The following CES5A variants were observed in gnomAD, a reference collection of about 807,000 sequenced individuals.
CES5A encodes the protein carboxylesterase 5.
CES5A carries 67 observed loss-of-function variants against 62.9 expected under a neutral mutation model. That is an observed-to-expected ratio of 1.07 (90% CI 0.88 to 1.31). CES5A has a LOEUF of 1.31. Ranked by LOEUF, CES5A falls within the 50% of genes most tolerant of loss-of-function variation. The pLI is 0.00. For synonymous variants in CES5A, 296 were observed against 280.8 expected, an observed-to-expected ratio of 1.05 and a Z score of -0.54; for missense variants, 748 against 708.5, an observed-to-expected ratio of 1.06 and a Z score of -0.63.
In CES5A at chr16:55,955,925, C is replaced by A. The variant is rs1399265743; in HGVS notation, c.-40G>T. 2.0e-5 allele frequency: 31 copies of A among 1,535,310 alleles called. No individual in the cohort carries two copies. The African/African-American group carries it at 4.1e-4, about 20-fold the overall frequency. Reference sequence around the variant, plus strand: ...GTCCTAACACAAAACCTCAGCATCCCAGCTGGCCTTGACACAGAGCCCCAG... The same window carrying A: ...GTCCTAACACAAAACCTCAGCATCCAAGCTGGCCTTGACACAGAGCCCCAG... On this transcript the variant is annotated 5_prime_UTR_variant, in exon 1 of 14. Transcript: ENST00000521992.
In CES5A at chr16:55,869,610, C is replaced by T. The variant is rs144674577; in HGVS notation, c.551+1G>A. 8.3e-5 allele frequency: 134 copies of T among 1,613,410 alleles called. No homozygotes were observed. Among genetic ancestry groups the T allele is most frequent in the Admixed American group, 2.3e-4 (14 of 59,956 alleles). On this transcript the variant is annotated splice_donor_variant, in intron 4 of 12. Transcript: ENST00000290567. LOFTEE classifies it high-confidence loss of function. ...GATGTCCATCATTTGGAGAGACTCA[C>T]GTGAAGAAACCAAATATTCCTAGCC...
Position 55,875,183 on chromosome 16 carries a change from A to C in CES5A, c.39T>G (p.Ile13Met), listed in dbSNP as rs201145733. 513 of 1,614,006 alleles carry C rather than the reference A, an allele frequency of 3.2e-4. 10 individuals are homozygous for C. The Admixed American group carries it at 8.4e-3, about 26-fold the overall frequency. The part of the protein sequence containing the change: ...GNWVHPGQIL[I>M]WAIWVLAAPT... Reference sequence around the variant, plus strand: ...GGGCTGCAAGGACCCAGATAGCCCAAATTAGGATCTGGCCTGGGTGCACCC... The same window carrying C: ...GGGCTGCAAGGACCCAGATAGCCCACATTAGGATCTGGCCTGGGTGCACCC... Residue 13 changes from isoleucine to methionine, a missense_variant, in exon 1 of 13, where the codon ATT becomes ATG. Transcript: ENST00000290567.
At chr16:55,910,097 A>G (rs8045055) in intron 1 of CES5A, among the ~76,000 whole-genome samples, 69,088 of 151,904 alleles carry the variant, frequency 0.45, 16,265 homozygotes, top group Non-Finnish European at 0.51. Context: ...GTGAGAAGGG[A>G]CACCTGCCAT....
At chr16:55,935,167 T>C (rs2034359560) in intron 2 of CES5A, among the ~76,000 whole-genome samples, 1 of 152,196 alleles carries the variant, frequency 6.6e-6, no homozygotes, top group South Asian at 2.1e-4. Context: ...GCTGTTGAAC[T>C]CCCAACCTTA....
Position 55,873,748 on chromosome 16 carries a change from C to T in CES5A, c.278+85G>A, listed in dbSNP as rs2033641460. ...CCTCCTCCCCCATCCATGCCAATCC[C>T]TCTTCTTTCACACTGGGCTGCATGA... On this transcript the variant is annotated intron_variant, in intron 2 of 12. Coordinates refer to ENST00000290567, the MANE Select transcript of CES5A (RefSeq NM_001143685.2). The T allele has an allele frequency of 7.1e-6, 9 of 1,266,182 alleles. No individual in the cohort carries two copies. The East Asian group carries it at 2.1e-4, about 30-fold the overall frequency. 78.4% of individuals were successfully genotyped at this position (1,266,182 alleles called of 1,614,324 possible).
intron 1 of CES5A, among the ~76,000 whole-genome samples, chr16:55,906,347 G>A (rs992585221): frequency 3.9e-5 from 6 of 152,152 alleles, no homozygotes; most frequent in Admixed American, 6.5e-5. Flanking sequence ...TGGGCCACAC[G>A]GAGCTGCAGC....
chr16:55,865,276 T>C (rs1202921070), intron 5 of CES5A, among the ~76,000 whole-genome samples: 1 of 151,598 alleles, frequency 6.6e-6, no homozygotes, highest in Admixed American at 6.6e-5. Context: ...TATACAAATA[T>C]ATAGATATAG....
upstream of CES5A, among the ~76,000 whole-genome samples, chr16:55,928,766 A>C (rs2034281804): frequency 6.6e-6 from 1 of 152,174 alleles, no homozygotes; most frequent in Non-Finnish European, 1.5e-5. Context: ...TGAGATGTCT[A>C]TGGTGTTGGC....
At chr16:55,880,994 G>A (rs2033755624) in intron 1 of CES5A, among the ~76,000 whole-genome samples, 1 of 152,182 alleles carries the variant, frequency 6.6e-6, no homozygotes, top group African/African-American at 2.4e-5. Context: ...AATCTCCTAA[G>A]TTAAAGTTAG....
chr16:55,854,141 C>T (rs1395112897), intron 9 of CES5A, among the ~76,000 whole-genome samples: 1 of 152,134 alleles, frequency 6.6e-6, no homozygotes, highest in East Asian at 1.9e-4. Context: ...GGTGAGTCCT[C>T]ATAGGACAGT....
chr16:55,876,167 G>T (rs2033690544), upstream of CES5A, among the ~76,000 whole-genome samples: 1 of 152,104 alleles, frequency 6.6e-6, no homozygotes, highest in African/African-American at 2.4e-5. Flanking sequence ...TCTTACTTGT[G>T]CCCTGTGGCT....
intron 1 of CES5A, among the ~76,000 whole-genome samples, chr16:55,887,507 C>A (rs1283656271): frequency 6.6e-6 from 1 of 152,082 alleles, no homozygotes; most frequent in East Asian, 1.9e-4. Context: ...CATCCAAGGT[C>A]TCAGATCCAT....
intron 2 of CES5A, among the ~76,000 whole-genome samples, chr16:55,947,050 G>A (rs1335643650): frequency 1.3e-5 from 2 of 152,234 alleles, no homozygotes; most frequent in Non-Finnish European, 2.9e-5. Flanking sequence ...AGGGGCATGG[G>A]AAGGTTAAAA....
At chr16:55,861,348 G>T in intron 7 of CES5A, 64 bp downstream of exon 7, 2 of 834,822 alleles carry the variant, frequency 2.4e-6, no homozygotes, top group Non-Finnish European at 2.0e-6. Flanking sequence ...CAGAGGGGTA[G>T]GATTTGTTCA....
intron 1 of CES5A, among the ~76,000 whole-genome samples, chr16:55,894,498 C>CAAAAAAAAAAAA (rs370359945): frequency 1.9e-5 from 2 of 102,960 alleles, no homozygotes; most frequent in East Asian, 2.7e-4. Flanking sequence ...AACTCTGTCT[C>CAAAAAAAAAAAA]AAAAAAAAAA....
chr16:55,855,262 G>A (rs1461621775), intron 9 of CES5A, among the ~76,000 whole-genome samples: 1 of 152,216 alleles, frequency 6.6e-6, no homozygotes, highest in Non-Finnish European at 1.5e-5. Flanking sequence ...TGAACAAAAT[G>A]AACATCGGCA....
intron 2 of CES5A, among the ~76,000 whole-genome samples, chr16:55,940,769 G>T (rs532350806): frequency 6.6e-6 from 1 of 151,294 alleles, no homozygotes; most frequent in Non-Finnish European, 1.5e-5. Flanking sequence ...AAATTTCTCA[G>T]CAAAATAATA....
upstream of CES5A, among the ~76,000 whole-genome samples, chr16:55,927,779 C>T (rs2034273204): frequency 2.0e-5 from 3 of 152,066 alleles, no homozygotes; most frequent in South Asian, 4.2e-4. Flanking sequence ...GATATTTACC[C>T]AAAGGAAAAG....
At chr16:55,846,870 C>CAT in intron 11 of CES5A, 30 bp from the exon 12 acceptor site, 1 of 1,602,358 alleles carries the variant, frequency 6.2e-7, no homozygotes, top group Non-Finnish European at 8.5e-7. Flanking sequence ...AATGCTGCTG[C>CAT]TCTGGGTGAG....
Sources: gnomAD v4.1 joint callset for allele counts (sites outside exome capture counted in the v4.1 genomes callset) on GRCh38, gnomAD v4.1.1 for gene constraint, MANE v1.5 for transcripts, NCBI Gene and HGNC (gene_info 2026-07-23, HGNC 2026-07-21) for gene names.